Variants in CCDC68 observed in about 807,000 individuals in gnomAD.
The protein encoded by CCDC68 is coiled-coil domain-containing protein 68.
A neutral mutation model predicts 47.1 loss-of-function variants in CCDC68; 45 were observed. That is an observed-to-expected ratio of 0.96 (90% CI 0.75 to 1.23). CCDC68 has a LOEUF of 1.23. Ranked by LOEUF, CCDC68 falls within the 50% of genes most tolerant of loss-of-function variation. The pLI is 0.00. For missense variants in CCDC68, 353 were observed against 373.6 expected, an observed-to-expected ratio of 0.94 and a Z score of 0.45; for synonymous variants, 131 against 129.5, an observed-to-expected ratio of 1.01 and a Z score of -0.08.
In CCDC68 at chr18:54,903,071, A is replaced by T. The variant is rs1913773486; in HGVS notation, c.*1287T>A. On this transcript the variant is annotated 3_prime_UTR_variant, in exon 12 of 12. Coordinates refer to ENST00000591504, the MANE Select transcript of CCDC68 (RefSeq NM_025214.3). Reference sequence around the variant, plus strand: ...AAGCGTAAAACTCACACACAGTTACACAACAATTCAAGGATTACAGTACTT... The same window carrying T: ...AAGCGTAAAACTCACACACAGTTACTCAACAATTCAAGGATTACAGTACTT... 1 of 152,246 alleles carries T rather than the reference A, an allele frequency of 6.6e-6. No homozygotes were observed. The highest frequency in any genetic ancestry group is 2.4e-5 in the African/African-American group (1 of 41,470). The allele number at this position is 152,246 out of a possible 1,614,324, so 9.4% of individuals were successfully genotyped here.
In CCDC68 at chr18:54,952,643, T is replaced by C. The variant is rs536696831; in HGVS notation, c.-103+6693A>G. 3.3e-5 allele frequency among the ~76,000 whole-genome samples: 5 copies of C among 152,330 alleles called. No homozygotes were observed. The South Asian group carries it at 1.0e-3, about 32-fold the overall frequency. Reference sequence around the variant, plus strand: ...ATGAAAAGTTATATTCCATAAAACCTGCACACAAATGTTCATAATTGCCAA... The same window carrying C: ...ATGAAAAGTTATATTCCATAAAACCCGCACACAAATGTTCATAATTGCCAA... On this transcript the variant is annotated intron_variant, in intron 1 of 11. Transcript: ENST00000591504.
intron 8 of CCDC68, among the ~76,000 whole-genome samples, chr18:54,922,499 G>A (rs749058553): frequency 2.0e-5 from 3 of 152,100 alleles, no homozygotes; most frequent in Non-Finnish European, 2.9e-5. Flanking sequence ...AGAGGATGGG[G>A]TAACTAAGGA....
chr18:54,949,292 G>A (rs776248051), intron 1 of CCDC68, among the ~76,000 whole-genome samples: 62 of 152,148 alleles, frequency 4.1e-4, no homozygotes, highest in African/African-American at 6.5e-4. Context: ...CACAGCACCC[G>A]GTCCCTAGAG....
intron 8 of CCDC68, among the ~76,000 whole-genome samples, chr18:54,923,368 T>C (rs2044093362): frequency 6.6e-6 from 1 of 151,980 alleles, no homozygotes; most frequent in South Asian, 2.1e-4. Flanking sequence ...GTTATTTTTC[T>C]ATCAAAAATC....
chr18:54,919,485 T>C (rs562812302), intron 8 of CCDC68, 109 bp from the exon 9 acceptor site: 23 of 906,830 alleles, frequency 2.5e-5, no homozygotes, highest in African/African-American at 9.7e-5. Context: ...TGGGGATCAG[T>C]TGGGTAAGAC....
At chr18:54,916,557 A>G (rs991256557) in intron 10 of CCDC68, among the ~76,000 whole-genome samples, 7 of 152,134 alleles carry the variant, frequency 4.6e-5, no homozygotes, top group African/African-American at 1.7e-4. Flanking sequence ...GGAGTAGAAC[A>G]GGTGAACAGC....
At chr18:54,928,648 T>A (rs1485990232) in intron 8 of CCDC68, 152 bp downstream of exon 8, 1 of 614,530 alleles carries the variant, frequency 1.6e-6, no homozygotes, top group Non-Finnish European at 2.9e-6. Flanking sequence ...CATAACTACA[T>A]GACTGTTAAT....
rs962440616 is a variant in CCDC68 at position 54,935,013 on chromosome 18, C to G, written c.472-65G>C. Reference sequence around the variant, plus strand: ...TTTCTTAAACCTATACACATATTACCTCTTTCTATAATTTTCTAATTAGCC... The same window carrying G: ...TTTCTTAAACCTATACACATATTACGTCTTTCTATAATTTTCTAATTAGCC... On this transcript the variant is annotated intron_variant, in intron 6 of 11. Transcript: ENST00000591504. 33 of 1,288,306 alleles carry G rather than the reference C, an allele frequency of 2.6e-5. No individual in the cohort carries two copies. The South Asian group carries it at 6.6e-4, about 26-fold the overall frequency. The allele number at this position is 1,288,306 out of a possible 1,614,324, so 79.8% of individuals were successfully genotyped here.
At chr18:54,913,977 C>T (rs1251479309) in intron 10 of CCDC68, among the ~76,000 whole-genome samples, 1 of 152,198 alleles carries the variant, frequency 6.6e-6, no homozygotes, top group Admixed American at 6.5e-5. Context: ...TTCCATTCTT[C>T]CTCGGAGAAC....
At chr18:54,948,566 G>A (rs1399668865) in intron 1 of CCDC68, among the ~76,000 whole-genome samples, 1 of 152,200 alleles carries the variant, frequency 6.6e-6, no homozygotes, top group Non-Finnish European at 1.5e-5. Flanking sequence ...TTATATTGTA[G>A]AGACTGTAAC....
At chr18:54,950,534 A>C (rs2044595633) in intron 1 of CCDC68, among the ~76,000 whole-genome samples, 1 of 152,206 alleles carries the variant, frequency 6.6e-6, no homozygotes, top group Admixed American at 6.5e-5. Context: ...ATAAGAATCC[A>C]AACTTTTGCT....
At chr18:54,950,164 GCA>G (rs1399567484) in intron 1 of CCDC68, among the ~76,000 whole-genome samples, 3 of 152,230 alleles carry the variant, frequency 2.0e-5, no homozygotes, top group East Asian at 1.9e-4. Flanking sequence ...CTTGGTTTTA[GCA>G]CAGTTTCTGA....
chr18:54,938,825 G>A (rs1207021239), intron 4 of CCDC68, among the ~76,000 whole-genome samples: 1 of 152,210 alleles, frequency 6.6e-6, no homozygotes, highest in Non-Finnish European at 1.5e-5. Flanking sequence ...TTTCAAAACT[G>A]AGAAATGATT....
Position 54,902,475 on chromosome 18 carries a change from C to G in CCDC68, c.*1883G>C, listed in dbSNP as rs1913739587. 1 of 152,184 alleles carries G rather than the reference C, an allele frequency of 6.6e-6. No homozygotes were observed. The highest frequency in any genetic ancestry group is 1.9e-4 in the East Asian group (1 of 5,196). The allele number at this position is 152,184 out of a possible 1,614,324, so 9.4% of individuals were successfully genotyped here. ...AGGACTCATGATCCTAATTTTCCTA[C>G]AAGTGTGCCTGAAAATGTATCATGA... On this transcript the variant is annotated 3_prime_UTR_variant, in exon 12 of 12. Transcript: ENST00000591504.
intron 1 of CCDC68, among the ~76,000 whole-genome samples, chr18:54,949,348 C>A (rs2044577066): frequency 6.6e-6 from 1 of 152,172 alleles, no homozygotes; most frequent in Admixed American, 6.5e-5. Context: ...CTACCATTTT[C>A]TTTTCTTTTA....
At chr18:54,905,123 G>A (rs778492189) in intron 11 of CCDC68, among the ~76,000 whole-genome samples, 3 of 151,808 alleles carry the variant, frequency 2.0e-5, no homozygotes, top group Non-Finnish European at 4.4e-5. Flanking sequence ...AGGTGTGATA[G>A]TGTGCCTGTA....
At chr18:54,940,553 A>G (rs2044418565) in intron 4 of CCDC68, among the ~76,000 whole-genome samples, 1 of 152,184 alleles carries the variant, frequency 6.6e-6, no homozygotes, top group Non-Finnish European at 1.5e-5. Context: ...GGCTAAGTGC[A>G]GATTGCTCGA....
chr18:54,937,991 T>C lies in CCDC68; in HGVS notation c.311A>G (p.Glu104Gly). The C allele has an allele frequency of 3.1e-6, 5 of 1,613,202 alleles. No individual in the cohort carries two copies. The highest frequency in any genetic ancestry group is 4.2e-6 in the Non-Finnish European group (5 of 1,179,574). ...CAATACTTCATTCTCTTTGTTCATT[T>C]CTAAGAGCTGTAGGTCTTTTCCTTT... ...KIKGKDLQLL[E>G]MNKENEVLKI... The change falls in exon 5 of 12, where the codon GAA becomes GGA. Residue 104 changes from glutamate to glycine, a missense_variant. By Grantham distance (98) the Glu-to-Gly change is moderately conservative (BLOSUM62 -2). Coordinates refer to ENST00000591504, the MANE Select transcript of CCDC68 (RefSeq NM_025214.3).
At chr18:54,949,103 C>T (rs948939130) in intron 1 of CCDC68, among the ~76,000 whole-genome samples, 6 of 152,208 alleles carry the variant, frequency 3.9e-5, no homozygotes, top group Admixed American at 6.5e-5. Context: ...CAGTGATTCT[C>T]GTGCCTCAGC....
Sources: gnomAD v4.1 joint callset for allele counts (sites outside exome capture counted in the v4.1 genomes callset) on GRCh38, gnomAD v4.1.1 for gene constraint, MANE v1.5 for transcripts, NCBI Gene and HGNC (gene_info 2026-07-23, HGNC 2026-07-21) for gene names.